The following SIRPG variants were observed in gnomAD, a reference collection of about 807,000 sequenced individuals.
SIRPG encodes signal-regulatory protein gamma.
SIRPG carries 38 observed loss-of-function variants against 35.7 expected under a neutral mutation model. The observed-to-expected ratio is 1.06, with a 90% CI of 0.82 to 1.40. SIRPG has a LOEUF of 1.40. Ranked by LOEUF, SIRPG falls within the 40% of genes most tolerant of loss-of-function variation. The pLI, the probability that SIRPG is intolerant of heterozygous loss-of-function variation, is 0.00. For missense variants in SIRPG, 519 were observed against 483.0 expected, an observed-to-expected ratio of 1.07 and a Z score of -0.70; for synonymous variants, 215 against 190.4, an observed-to-expected ratio of 1.13 and a Z score of -1.06.
intron 2 of SIRPG, among the ~76,000 whole-genome samples, chr20:1,637,029 A>G (rs887041408): frequency 2.6e-5 from 4 of 152,188 alleles, no homozygotes; most frequent in African/African-American, 9.7e-5. Context: ...CAGGGGTGCA[A>G]CAAGGATTAA....
At chr20:1,683,204 C>T in the SIRPG span, among the ~76,000 whole-genome samples, 1 of 152,194 alleles carries the variant, frequency 6.6e-6, no homozygotes, top group Non-Finnish European at 1.5e-5. Context: ...GAGGTATCAT[C>T]TCACACCTGT....
At chr20:1,659,528 G>T (rs2091990673), upstream of SIRPG, among the ~76,000 whole-genome samples, 1 of 152,192 alleles carries the variant, frequency 6.6e-6, no homozygotes, top group Non-Finnish European at 1.5e-5. Flanking sequence ...AGTTTCCTGT[G>T]CTCCAGATAT....
the SIRPG span, among the ~76,000 whole-genome samples, chr20:1,681,229 A>G: frequency 6.6e-6 from 1 of 152,248 alleles, no homozygotes; most frequent in East Asian, 1.9e-4. Context: ...CTCATACCAC[A>G]CCCCTGCACA....
chr20:1,661,929 T>A (rs1183076671), upstream of SIRPG, among the ~76,000 whole-genome samples: 4 of 152,208 alleles, frequency 2.6e-5, no homozygotes, highest in African/African-American at 9.6e-5. Flanking sequence ...AAGAGGGCTC[T>A]GTAGCTAAGG....
chr20:1,664,130 T>C, the SIRPG span, among the ~76,000 whole-genome samples: 32 of 152,330 alleles, frequency 2.1e-4, no homozygotes, highest in South Asian at 5.8e-3. Flanking sequence ...TGAATACTAA[T>C]TGAGCAAGAA....
intron 1 of SIRPG, among the ~76,000 whole-genome samples, chr20:1,652,240 T>C (rs1487196149): frequency 6.6e-6 from 1 of 152,238 alleles, no homozygotes; most frequent in Non-Finnish European, 1.5e-5. Context: ...ATCTACTGGC[T>C]TGTGGTCCAG....
At chr20:1,666,973 G>A in the SIRPG span, among the ~76,000 whole-genome samples, 17 of 151,766 alleles carry the variant, frequency 1.1e-4, no homozygotes, top group African/African-American at 2.4e-4. Flanking sequence ...GTGCAGTGGC[G>A]TGATCGCGGT....
intron 2 of SIRPG, chr20:1,637,420 G>A (rs2091812488): frequency 5.9e-6 from 1 of 168,408 alleles, no homozygotes; most frequent in Admixed American, 6.5e-5. Flanking sequence ...CGAGTTTGCA[G>A]TTTAGCATTT....
chr20:1,684,968 T>C, the SIRPG span, among the ~76,000 whole-genome samples: 1 of 152,174 alleles, frequency 6.6e-6, no homozygotes, highest in African/African-American at 2.4e-5. Flanking sequence ...AAAGTGTATA[T>C]GTAAGAAAGA....
chr20:1,674,141 C>A, the SIRPG span, among the ~76,000 whole-genome samples: 1 of 152,174 alleles, frequency 6.6e-6, no homozygotes, highest in African/African-American at 2.4e-5. Flanking sequence ...TCACTGAGAA[C>A]TTTGCATGCC....
At chr20:1,630,613 G>T in intron 4 of SIRPG, 1 of 300,710 alleles carries the variant, frequency 3.3e-6, no homozygotes, top group Non-Finnish European at 6.2e-6. Flanking sequence ...GCCTATGGGA[G>T]CAGGGATTGT....
At chr20:1,645,387 G>A (rs979537765) in intron 2 of SIRPG, among the ~76,000 whole-genome samples, 3 of 152,110 alleles carry the variant, frequency 2.0e-5, no homozygotes, top group Non-Finnish European at 4.4e-5. Context: ...ATTTTTAGGC[G>A]GATCCTGGGT....
chr20:1,648,836 A>G (rs1568735024), intron 2 of SIRPG, among the ~76,000 whole-genome samples: 1 of 152,116 alleles, frequency 6.6e-6, no homozygotes, highest in Non-Finnish European at 1.5e-5. Flanking sequence ...CAGATTGAAG[A>G]TGTAGTCTCT....
the SIRPG span, chr20:1,666,376 T>A: frequency 6.6e-6 from 1 of 152,216 alleles, no homozygotes; most frequent in Admixed American, 6.5e-5. Context: ...CATTGTGTCA[T>A]GTGTATGTAG....
At chr20:1,658,641 C>T (rs1022132851), upstream of SIRPG, among the ~76,000 whole-genome samples, 4 of 152,130 alleles carry the variant, frequency 2.6e-5, no homozygotes, top group African/African-American at 9.7e-5. Context: ...ATCTCCTAAA[C>T]TGGGAATAGT....
Position 1,635,539 on chromosome 20 carries a change from G to C in SIRPG, c.809C>G (p.Thr270Ser). 1 of 1,614,184 alleles carries C rather than the reference G, an allele frequency of 6.2e-7. No homozygotes were observed. Among genetic ancestry groups the C allele is most frequent in the Non-Finnish European group, 8.5e-7 (1 of 1,180,004 alleles). Residue 270 changes from threonine to serine, a missense_variant, in exon 4 of 6, where the codon ACC becomes AGC. Physicochemically the swap from Thr to Ser is moderately conservative, Grantham distance 58. Transcript: ENST00000303415. ...PMRVGNQVNV[T>S]CQVRKFYPQS... is the part of the protein sequence containing the mutation. ...GGGGTAGAACTTCCTCACCTGGCAG[G>C]TGACGTTTACCTGGTTCCCCACCCT...
chr20:1,651,595 A>C (rs193209343), intron 1 of SIRPG, among the ~76,000 whole-genome samples: 24 of 152,184 alleles, frequency 1.6e-4, no homozygotes, highest in African/African-American at 5.3e-4. Context: ...GACTTACTCT[A>C]CCATTTTCAA....
chr20:1,630,132 C>G (rs183254730), intron 5 of SIRPG, 90 bp downstream of exon 5: 2 of 1,015,744 alleles, frequency 2.0e-6, no homozygotes, highest in East Asian at 5.2e-5. Context: ...TCCACGGACC[C>G]TGGTGCTGCA....
chr20:1,632,347 TA>T (rs2091757676), intron 4 of SIRPG, among the ~76,000 whole-genome samples: 1 of 152,190 alleles, frequency 6.6e-6, no homozygotes, highest in Non-Finnish European at 1.5e-5. Flanking sequence ...AACACTCACC[TA>T]ACCCTAGTGC....
Sources: gnomAD v4.1 joint callset for allele counts (sites outside exome capture counted in the v4.1 genomes callset) on GRCh38, gnomAD v4.1.1 for gene constraint, MANE v1.5 for transcripts, NCBI Gene and HGNC (gene_info 2026-07-23, HGNC 2026-07-21) for gene names.